The following PIK3C2G variants were observed in gnomAD, a reference collection of about 807,000 sequenced individuals.
PIK3C2G encodes phosphatidylinositol-4-phosphate 3-kinase catalytic subunit type 2 gamma, also known as phosphatidylinositol 3-kinase C2 domain-containing subunit gamma.
Under a neutral mutation model 181.1 loss-of-function variants are expected in PIK3C2G, and 168 were observed. That is an observed-to-expected ratio of 0.93 (90% CI 0.82 to 1.05). The LOEUF (loss-of-function observed/expected upper bound fraction) is 1.05. PIK3C2G is among the 50% of genes least tolerant of loss of function. PIK3C2G has a pLI of 0.00. For missense variants in PIK3C2G, 1,869 were observed against 1,732.8 expected (o/e 1.08, Z -1.40); for synonymous variants, 573 against 592.2 (o/e 0.97, Z 0.47).
chr12:18,679,643 T>C, the PIK3C2G span, among the ~76,000 whole-genome samples: 20 of 151,976 alleles, frequency 1.3e-4, no homozygotes, highest in African/African-American at 4.3e-4. Context: ...AGGATTAAGA[T>C]TAATTTTTAT....
intron 26 of PIK3C2G, among the ~76,000 whole-genome samples, chr12:18,560,784 T>C (rs1945304451): frequency 6.6e-6 from 1 of 152,054 alleles, no homozygotes; most frequent in Non-Finnish European, 1.5e-5. Context: ...AATTACATAT[T>C]GAAAGGGCAC....
intron 29 of PIK3C2G, among the ~76,000 whole-genome samples, chr12:18,568,786 G>T (rs895897040): frequency 1.3e-5 from 2 of 152,142 alleles, no homozygotes; most frequent in Non-Finnish European, 2.9e-5. Context: ...CACAAGAGTC[G>T]TGAGGAACTA....
At chr12:18,704,186 T>C in the PIK3C2G span, among the ~76,000 whole-genome samples, 6 of 151,864 alleles carry the variant, frequency 4.0e-5, no homozygotes, top group African/African-American at 1.5e-4. Flanking sequence ...CTAAAAGAGG[T>C]TCATTAGAAT....
At chr12:18,722,618 A>G in the PIK3C2G span, among the ~76,000 whole-genome samples, 1 of 152,040 alleles carries the variant, frequency 6.6e-6, no homozygotes, top group Admixed American at 6.6e-5. Context: ...ATTTTATTGT[A>G]TTATGTGTTT....
chr12:18,586,965 T>C (rs1366877417), intron 29 of PIK3C2G, among the ~76,000 whole-genome samples: 3 of 152,090 alleles, frequency 2.0e-5, no homozygotes, highest in African/African-American at 4.8e-5. Context: ...ACCACATGAC[T>C]ATCCCAATAG....
intron 15 of PIK3C2G, among the ~76,000 whole-genome samples, chr12:18,395,779 A>T (rs1028651532): frequency 2.6e-5 from 4 of 151,490 alleles, no homozygotes; most frequent in Non-Finnish European, 4.4e-5. Context: ...ATTATATGTA[A>T]GGATGCATAA....
At chr12:18,395,770 T>C (rs1263008413) in intron 15 of PIK3C2G, among the ~76,000 whole-genome samples, 1 of 151,414 alleles carries the variant, frequency 6.6e-6, no homozygotes, top group Non-Finnish European at 1.5e-5. Context: ...GTTTTTCATA[T>C]TATATGTAAG....
chr12:18,662,056 T>C, the PIK3C2G span, among the ~76,000 whole-genome samples: 1,295 of 152,226 alleles, frequency 8.5e-3, 19 homozygotes, highest in African/African-American at 0.03. Flanking sequence ...TTCTCCCGTA[T>C]TAAGTAGGAA....
chr12:18,606,937 A>C (rs998558202), intron 30 of PIK3C2G, among the ~76,000 whole-genome samples: 1 of 152,102 alleles, frequency 6.6e-6, no homozygotes, highest in African/African-American at 2.4e-5. Flanking sequence ...TCAAAAGAAA[A>C]ATTAAGGTTA....
At chr12:18,689,756 C>A in the PIK3C2G span, among the ~76,000 whole-genome samples, 1 of 152,058 alleles carries the variant, frequency 6.6e-6, no homozygotes, top group Non-Finnish European at 1.5e-5. Context: ...TGGCCTAGAC[C>A]AAAACTCTCA....
At chr12:18,631,451 A>G (rs964301169) in intron 31 of PIK3C2G, among the ~76,000 whole-genome samples, 4 of 152,186 alleles carry the variant, frequency 2.6e-5, no homozygotes, top group Admixed American at 6.6e-5. Flanking sequence ...AAAAGGCTCT[A>G]TACAAATGGA....
rs190684610 is a variant in PIK3C2G at position 18,609,453 on chromosome 12, C to T, written c.4088-82C>T. On this transcript the variant is annotated intron_variant, in intron 30 of 32. Transcript: ENST00000538779. Reference sequence around the variant, plus strand: ...TTCTTCTACTTGTTATTTATTGGTCCTGTTTTAGTTTTTAAATGTTTGATT... The same window carrying T: ...TTCTTCTACTTGTTATTTATTGGTCTTGTTTTAGTTTTTAAATGTTTGATT... The T allele has an allele frequency of 1.2e-3, 895 of 723,434 alleles. 2 individuals carry two copies. The highest frequency in any genetic ancestry group is 1.6e-3 in the Non-Finnish European group (663 of 414,438). The allele number at this position is 723,434 out of a possible 1,614,324, so 44.8% of individuals were successfully genotyped here. A position where few individuals can be genotyped will look rare whatever the true frequency, so the allele number is the denominator to read the frequency against.
chr12:18,440,354 C>A (rs1393234603), intron 18 of PIK3C2G, among the ~76,000 whole-genome samples: 2 of 152,082 alleles, frequency 1.3e-5, no homozygotes, highest in Non-Finnish European at 2.9e-5. Context: ...ACAAAAAACC[C>A]AGTCCTTCCT....
At chr12:18,401,219 GTTTAAC>G (rs1242562218) in intron 16 of PIK3C2G, among the ~76,000 whole-genome samples, 12 of 152,040 alleles carry the variant, frequency 7.9e-5, no homozygotes, top group Admixed American at 2.0e-4. Flanking sequence ...TTTTACAGTA[GTTTAAC>G]TTTAAATTAT....
At chr12:18,530,467 G>A (rs1349716635) in intron 24 of PIK3C2G, among the ~76,000 whole-genome samples, 1 of 151,992 alleles carries the variant, frequency 6.6e-6, no homozygotes, top group East Asian at 1.9e-4. Flanking sequence ...CATTTTGCTC[G>A]CCTTCACAAA....
intron 14 of PIK3C2G, among the ~76,000 whole-genome samples, chr12:18,390,123 T>C (rs1943444359): frequency 6.6e-6 from 1 of 152,138 alleles, no homozygotes; most frequent in South Asian, 2.1e-4. Flanking sequence ...ATTGATATAT[T>C]GTAACACAGA....
chr12:18,255,760 A>G (rs7975517), intron 1 of PIK3C2G, among the ~76,000 whole-genome samples: 66,710 of 151,890 alleles, frequency 0.44, 15,070 homozygotes, highest in East Asian at 0.75. Flanking sequence ...AGACGGTAAA[A>G]AATACTGTGG....
chr12:18,368,894 G>A (rs1941828227), intron 12 of PIK3C2G, among the ~76,000 whole-genome samples: 1 of 152,120 alleles, frequency 6.6e-6, no homozygotes, highest in South Asian at 2.1e-4. Flanking sequence ...AGTCACCAAT[G>A]TTTGATTTGA....
At chr12:18,543,465 C>G (rs1346721582) in intron 25 of PIK3C2G, among the ~76,000 whole-genome samples, 2 of 151,938 alleles carry the variant, frequency 1.3e-5, no homozygotes, top group Admixed American at 1.3e-4. Context: ...AATCTTTGCC[C>G]ATTCCTATGT....
Sources: gnomAD v4.1 joint callset for allele counts (sites outside exome capture counted in the v4.1 genomes callset) on GRCh38, gnomAD v4.1.1 for gene constraint, MANE v1.5 for transcripts, NCBI Gene and HGNC (gene_info 2026-07-23, HGNC 2026-07-21) for gene names.